Variants in GDA observed in about 807,000 individuals in gnomAD.
The protein encoded by GDA is guanine deaminase.
GDA carries 18 observed loss-of-function variants against 59.6 expected under a neutral mutation model. The ratio of observed to expected loss-of-function variants is 0.30; its 90% CI spans 0.21 to 0.45. The LOEUF (loss-of-function observed/expected upper bound fraction) is 0.45, where lower values mean the gene tolerates loss of function less well. GDA is among the 20% of genes least tolerant of loss of function. GDA has a pLI of 1.00. For missense variants in GDA, 427 were observed against 552.3 expected (o/e 0.77, Z 2.27); for synonymous variants, 201 against 201.1 (o/e 1.00, Z 0.00).
At chr9:72,245,048 C>G (rs1051423811) in intron 11 of GDA, 100 bp from the exon 12 acceptor site, 2 of 1,014,416 alleles carry the variant, frequency 2.0e-6, no homozygotes, top group African/African-American at 3.3e-5. Flanking sequence ...TTTTTTTTTT[C>G]TCCTAGCGAC....
At position 72,206,544 on chromosome 9, in the gene GDA, G is replaced by A. The variant is rs888978141; in HGVS notation, c.384+3802G>A. 3.3e-5 allele frequency among the ~76,000 whole-genome samples: 5 copies of A among 152,014 alleles called. No homozygotes were observed. In the East Asian group the frequency reaches 5.8e-4, roughly 18 times the overall value. On this transcript the variant is annotated intron_variant, in intron 3 of 13. Transcript: ENST00000358399. Reference sequence around the variant, plus strand: ...TCCCAGCACTTTGAGAGGCCTAGGCGGACGGATCACCTGAGGTCAGGAGTT... The same window carrying A: ...TCCCAGCACTTTGAGAGGCCTAGGCAGACGGATCACCTGAGGTCAGGAGTT...
Position 72,241,165 on chromosome 9 carries a change from C to A in GDA, c.1002C>A (p.Gly334=), listed in dbSNP as rs779101511. 8.1e-6 allele frequency: 13 copies of A among 1,597,228 alleles called. No individual in the cohort carries two copies. Among genetic ancestry groups the A allele is most frequent in the Non-Finnish European group, 1.0e-5 (12 of 1,167,160 alleles). The change falls in exon 11 of 14, where the codon GGC becomes GGA. Residue 334 remains glycine (G), a synonymous_variant. Transcript: ENST00000358399. ...KIGLGTDVAG[G]YSYSMLDAIR... ...TACCTACTGCAGACGTGGCTGGTGGCTATTCATATTCCATGCTTGATGCAA... is the reference window on the plus strand; with the variant it reads ...TACCTACTGCAGACGTGGCTGGTGGATATTCATATTCCATGCTTGATGCAA...
At position 72,247,388 on chromosome 9, in the gene GDA, T is replaced by G. The variant is rs909948597; in HGVS notation, c.1267-18T>G. The G allele has an allele frequency of 8.3e-6, 12 of 1,438,320 alleles. No homozygotes were observed. The highest frequency in any genetic ancestry group is 1.7e-5 in the Admixed American group (1 of 59,780). The allele number at this position is 1,438,320 out of a possible 1,614,324, so 89.1% of individuals were successfully genotyped here. On this transcript the variant is annotated intron_variant, in intron 12 of 13. Coordinates refer to ENST00000358399, the MANE Select transcript of GDA (RefSeq NM_004293.5). ...TGCACAAATGAGTCTTTCTTATTAC[T>G]TTTATTTTCCATTTTAGGCTGTTAT...
intron 3 of GDA, among the ~76,000 whole-genome samples, chr9:72,204,775 T>C (rs575961761): frequency 1.8e-4 from 28 of 152,182 alleles, no homozygotes; most frequent in Admixed American, 5.2e-4. Context: ...ATATAAATTA[T>C]TTCTGACATC....
At position 72,250,082 on chromosome 9, in the gene GDA, T is replaced by G; in HGVS notation, c.*1740T>G. On this transcript the variant is annotated 3_prime_UTR_variant, in exon 14 of 14. Transcript: ENST00000358399. ...TAGTCTGTATTTCCAATATTTCTAA[T>G]TCCTGAGCCACGTCAAAGATGCCTT... The G allele has an allele frequency of 1.0e-6, 1 of 983,828 alleles. No individual in the cohort carries two copies. The highest frequency in any genetic ancestry group is 1.2e-6 in the Non-Finnish European group (1 of 828,476). The allele number at this position is 983,828 out of a possible 1,614,324, so 60.9% of individuals were successfully genotyped here.
rs147414806 is a variant in GDA at position 72,231,875 on chromosome 9, C to T, written c.988+694C>T. ...TCAATCTATGACAGAATTGAGAATT[C>T]GGATGTATGTTAAGAATTGGTTTTG... is the stretch of plus-strand genomic sequence containing the variant. On this transcript the variant is annotated intron_variant, in intron 10 of 13. Coordinates refer to ENST00000358399, the MANE Select transcript of GDA (RefSeq NM_004293.5). Among the ~76,000 whole-genome samples the T allele has an allele frequency of 1.1e-3, 161 of 152,286 alleles. 1 individual carries two copies. Among genetic ancestry groups the T allele is most frequent in the African/African-American group, 3.6e-3 (150 of 41,548 alleles).
In GDA at chr9:72,250,168, C is replaced by A; in HGVS notation, c.*1826C>A. The A allele has an allele frequency of 2.0e-6, 2 of 984,476 alleles. No individual in the cohort carries two copies. Among genetic ancestry groups the A allele is most frequent in the Non-Finnish European group, 2.4e-6 (2 of 829,114 alleles). 61.0% of individuals were successfully genotyped at this position (984,476 alleles called of 1,614,324 possible). On this transcript the variant is annotated 3_prime_UTR_variant, in exon 14 of 14. Coordinates refer to ENST00000358399, the MANE Select transcript of GDA (RefSeq NM_004293.5). Reference sequence around the variant, plus strand: ...AAAATCTTCAGCTTTATCACTCAACCCCTGCCAAAGGAACTTGATTACATG... The same window carrying A: ...AAAATCTTCAGCTTTATCACTCAACACCTGCCAAAGGAACTTGATTACATG...
intron 1 of GDA, among the ~76,000 whole-genome samples, chr9:72,116,132 G>A (rs1294084983): frequency 1.3e-5 from 2 of 151,958 alleles, no homozygotes; most frequent in Admixed American, 6.6e-5. Flanking sequence ...TACTCGGGAG[G>A]CTGAGGCAGG....
rs142073542 is a variant in GDA, at chr9:72,126,847, G to A, written c.-100+12014G>A. Among the ~76,000 whole-genome samples the A allele has an allele frequency of 8.3e-3, 1,256 of 152,090 alleles. 19 individuals carry two copies. The highest frequency in any genetic ancestry group is 0.029 in the African/African-American group (1,202 of 41,470). Reference sequence around the variant, plus strand: ...CTCCGAAAGTGTTGGGATTACATGCGTGAGCCACCACACCCGGCAGAACCT... The same window carrying A: ...CTCCGAAAGTGTTGGGATTACATGCATGAGCCACCACACCCGGCAGAACCT... On this transcript the variant is annotated intron_variant, in intron 1 of 13. Coordinates refer to the GDA transcript ENST00000545168.
chr9:72,239,081 G>A (rs1404408477), intron 10 of GDA, among the ~76,000 whole-genome samples: 1 of 152,180 alleles, frequency 6.6e-6, no homozygotes, highest in African/African-American at 2.4e-5. Flanking sequence ...TACATTAAAT[G>A]TGTTGTAGAT....
At chr9:72,201,703 G>A (rs1834025965) in intron 2 of GDA, among the ~76,000 whole-genome samples, 1 of 152,152 alleles carries the variant, frequency 6.6e-6, no homozygotes, top group African/African-American at 2.4e-5. Context: ...GTTTGGATGA[G>A]GTTGGATACT....
In GDA at chr9:72,213,734, C is replaced by T. The variant is rs577444229; in HGVS notation, c.473-152C>T. ...AGGAGAATGGCATGAACCTGGGAGG[C>T]GGAGCTTGCAGTGAGCCGAGATTGC... On this transcript the variant is annotated intron_variant, in intron 4 of 13. Coordinates refer to ENST00000358399, the MANE Select transcript of GDA (RefSeq NM_004293.5). 410 of 463,060 alleles carry T rather than the reference C, an allele frequency of 8.9e-4. 1 individual carries two copies. The highest frequency in any genetic ancestry group is 1.3e-3 in the Non-Finnish European group (323 of 253,812). The allele number at this position is 463,060 out of a possible 1,614,324, so 28.7% of individuals were successfully genotyped here. A position where few individuals can be genotyped will look rare whatever the true frequency, so the allele number is the denominator to read the frequency against.
intron 1 of GDA, among the ~76,000 whole-genome samples, chr9:72,119,508 T>C (rs987677114): frequency 5.3e-5 from 8 of 152,082 alleles, no homozygotes; most frequent in Admixed American, 1.3e-4. Flanking sequence ...CAAAAAAAAT[T>C]TCAAAATTAT....
At chr9:72,126,965 C>T (rs994718225) in intron 1 of GDA, among the ~76,000 whole-genome samples, 4 of 151,988 alleles carry the variant, frequency 2.6e-5, no homozygotes, top group East Asian at 1.9e-4. Flanking sequence ...TTACTAGCCG[C>T]GATAGATCAG....
intron 1 of GDA, among the ~76,000 whole-genome samples, chr9:72,153,762 A>G (rs1056083932): frequency 1.4e-5 from 2 of 144,536 alleles, no homozygotes; most frequent in Non-Finnish European, 3.0e-5. Context: ...AAATTGAACA[A>G]TGAGAACACA....
chr9:72,171,993 G>A (rs1830025246), intron 1 of GDA, among the ~76,000 whole-genome samples: 1 of 152,182 alleles, frequency 6.6e-6, no homozygotes, highest in South Asian at 2.1e-4. Context: ...TTACACAGCT[G>A]ATACATGCTA....
intron 1 of GDA, among the ~76,000 whole-genome samples, chr9:72,194,438 C>T (rs1178673871): frequency 2.0e-5 from 3 of 152,124 alleles, no homozygotes; most frequent in African/African-American, 7.2e-5. Flanking sequence ...CAGTCTCACA[C>T]CCCTGACAGG....
intron 1 of GDA, among the ~76,000 whole-genome samples, chr9:72,140,182 A>G (rs1264220363): frequency 6.6e-6 from 1 of 152,224 alleles, no homozygotes; most frequent in Non-Finnish European, 1.5e-5. Context: ...AGGGCTGGGC[A>G]TATCAGCCTA....
intron 1 of GDA, among the ~76,000 whole-genome samples, chr9:72,142,491 T>C (rs1367484552): frequency 6.6e-6 from 1 of 150,636 alleles, no homozygotes; most frequent in Non-Finnish European, 1.5e-5. Context: ...GAGAATGGTG[T>C]GAACTCGGGA....
Sources: gnomAD v4.1 joint callset for allele counts (sites outside exome capture counted in the v4.1 genomes callset) on GRCh38, gnomAD v4.1.1 for gene constraint, MANE v1.5 for transcripts, NCBI Gene and HGNC (gene_info 2026-07-23, HGNC 2026-07-21) for gene names.